SH3RF3: variants seen among roughly 807,000 people sequenced by gnomAD.
The protein encoded by SH3RF3 is SH3 domain containing ring finger 3, also known as E3 ubiquitin-protein ligase SH3RF3.
Under a neutral mutation model 66.3 loss-of-function variants are expected in SH3RF3, and 29 were observed. That is an observed-to-expected ratio of 0.44 (90% CI 0.33 to 0.60). The LOEUF is 0.60. SH3RF3 is among the 20% of genes least tolerant of loss of function. The probability of loss-of-function intolerance (pLI) is 0.04; values close to 1 mark genes in which losing one functional copy is unlikely to be tolerated. For missense variants in SH3RF3, 1,194 were observed against 1,190.9 expected (o/e 1.00, Z -0.04); for synonymous variants, 583 against 532.0 (o/e 1.10, Z -1.32).
At chr2:109,300,857 C>G (rs115212252) in intron 1 of SH3RF3, among the ~76,000 whole-genome samples, 1 of 152,278 alleles carries the variant, frequency 6.6e-6, no homozygotes, top group African/African-American at 2.4e-5. Context: ...TAAATCAGAA[C>G]GACTTAAAAA....
At chr2:109,224,049 A>T (rs1405422792) in intron 1 of SH3RF3, among the ~76,000 whole-genome samples, 1 of 152,176 alleles carries the variant, frequency 6.6e-6, no homozygotes, top group Admixed American at 6.5e-5. Context: ...TCATTAATGG[A>T]TAGAATGTTA....
At chr2:109,395,471 T>C (rs904208530) in intron 3 of SH3RF3, among the ~76,000 whole-genome samples, 1 of 152,158 alleles carries the variant, frequency 6.6e-6, no homozygotes, top group Non-Finnish European at 1.5e-5. Flanking sequence ...GCTGAAGCTT[T>C]GGATGAGGCA....
intron 7 of SH3RF3, among the ~76,000 whole-genome samples, chr2:109,440,942 G>A (rs557458508): frequency 1.2e-4 from 18 of 152,152 alleles, no homozygotes; most frequent in Non-Finnish European, 1.9e-4. Flanking sequence ...GTTCCCACCA[G>A]CCAGACGGAA....
chr2:109,197,103 G>A (rs904857070), intron 1 of SH3RF3, among the ~76,000 whole-genome samples: 32 of 152,328 alleles, frequency 2.1e-4, no homozygotes, highest in African/African-American at 7.7e-4. Context: ...AGGCAACACA[G>A]CTAGTAGAGG....
chr2:109,159,223 C>G lies in SH3RF3; in HGVS notation c.573+29110C>G, dbSNP rs186017723. On this transcript the variant is annotated intron_variant, in intron 1 of 9. Transcript: ENST00000309415. ...TGGTGCCAGGCTCTGCTTTGAGCTT[C>G]CCCTCCCTGTGCTCTGCTGCTGGCC... Among the ~76,000 whole-genome samples the G allele has an allele frequency of 2.6e-5, 4 of 152,352 alleles. No homozygotes were observed. The East Asian group carries it at 7.7e-4, about 29-fold the overall frequency.
chr2:109,496,008 C>G (rs754187779), intron 9 of SH3RF3, among the ~76,000 whole-genome samples: 1 of 152,194 alleles, frequency 6.6e-6, no homozygotes, highest in Non-Finnish European at 1.5e-5. Context: ...CAGACCTTCG[C>G]GGTGAAGAGC....
At chr2:109,289,556 C>T (rs1367872949) in intron 1 of SH3RF3, among the ~76,000 whole-genome samples, 18 of 152,064 alleles carry the variant, frequency 1.2e-4, no homozygotes, top group Admixed American at 1.2e-3. Flanking sequence ...ATTATGGGGA[C>T]CATGGTGTAG....
At chr2:109,265,270 A>G (rs1680461961) in intron 1 of SH3RF3, among the ~76,000 whole-genome samples, 1 of 152,190 alleles carries the variant, frequency 6.6e-6, no homozygotes, top group East Asian at 1.9e-4. Context: ...GGGAGCTCTG[A>G]GGGCAGCTCG....
intron 7 of SH3RF3, among the ~76,000 whole-genome samples, chr2:109,444,187 A>G (rs1677646027): frequency 6.6e-6 from 1 of 152,284 alleles, no homozygotes; most frequent in Non-Finnish European, 1.5e-5. Context: ...GGATATTATA[A>G]CGCATTTTGA....
chr2:109,349,789 G>A (rs10188547), intron 2 of SH3RF3, among the ~76,000 whole-genome samples: 1,721 of 152,348 alleles, frequency 0.011, 33 homozygotes, highest in African/African-American at 0.039. Context: ...AGAAGTGACT[G>A]CCTGCCTTTC....
At chr2:109,436,747 C>T (rs1043574631) in intron 6 of SH3RF3, 146 bp from the exon 7 acceptor site, 92 of 1,267,450 alleles carry the variant, frequency 7.3e-5, no homozygotes, top group South Asian at 5.3e-4. Flanking sequence ...TGCCCAGTGA[C>T]GGGCATTGTT....
intron 1 of SH3RF3, among the ~76,000 whole-genome samples, chr2:109,223,477 C>T (rs1679303181): frequency 6.6e-6 from 1 of 152,198 alleles, no homozygotes; most frequent in Non-Finnish European, 1.5e-5. Flanking sequence ...GTGGGCATGG[C>T]CTGCCCATGT....
chr2:109,342,464 G>A lies in SH3RF3; in HGVS notation c.574-5210G>A, dbSNP rs537385126. On this transcript the variant is annotated intron_variant, in intron 1 of 9. Transcript: ENST00000309415. ...TCTGTCCTGATGGGCTAATTGTGAA[G>A]GGGGCCCTCCATTGAAAGCAGGTGG... 5.9e-5 allele frequency among the ~76,000 whole-genome samples: 9 copies of A among 152,334 alleles called. 1 individual carries two copies.
At position 109,328,764 on chromosome 2, in the gene SH3RF3, T is replaced by C. The variant is rs895097044; in HGVS notation, c.574-18910T>C. Among the ~76,000 whole-genome samples, 5 of 152,230 alleles carry C rather than the reference T, an allele frequency of 3.3e-5. No individual in the cohort carries two copies. The East Asian group carries it at 7.7e-4, about 23-fold the overall frequency. ...TTCCTCTCCCCCACATTTGTGTGTG[T>C]GAACCACAGTGGTTCATGACCACTT... On this transcript the variant is annotated intron_variant, in intron 1 of 9. Transcript: ENST00000309415.
At chr2:109,432,392 G>T in intron 5 of SH3RF3, 109 bp from the exon 6 acceptor site, 2 of 1,391,458 alleles carry the variant, frequency 1.4e-6, no homozygotes, top group Non-Finnish European at 2.0e-6. Context: ...ACTCTAGTGG[G>T]TCTTTTTAGG....
At chr2:109,424,109 C>A (rs1298098363) in intron 5 of SH3RF3, among the ~76,000 whole-genome samples, 2 of 152,174 alleles carry the variant, frequency 1.3e-5, no homozygotes, top group Non-Finnish European at 2.9e-5. Context: ...TGGAGGCAGG[C>A]CCTGAGATGG....
At chr2:109,199,607 T>TCAACC in intron 1 of SH3RF3, among the ~76,000 whole-genome samples, 16 of 266 alleles carry the variant, frequency 0.06, no homozygotes, top group Non-Finnish European at 0.072. Flanking sequence ...TGGAATGGAA[T>TCAACC]GGAATGGAAT....
chr2:109,445,090 A>T (rs1176447412), intron 7 of SH3RF3, among the ~76,000 whole-genome samples: 1 of 152,242 alleles, frequency 6.6e-6, no homozygotes, highest in East Asian at 1.9e-4. Flanking sequence ...GACACAGTTG[A>T]AAGTGGAATT....
chr2:109,155,150 C>G (rs913443469), intron 1 of SH3RF3, among the ~76,000 whole-genome samples: 2 of 152,150 alleles, frequency 1.3e-5, no homozygotes, highest in East Asian at 3.8e-4. Context: ...TGCTGATGTT[C>G]GGTGGTGTTC....
Sources: allele counts gnomAD v4.1 joint callset (sites outside exome capture counted in the v4.1 genomes callset), GRCh38; gene constraint gnomAD v4.1.1; transcripts MANE v1.5; gene names NCBI Gene and HGNC (gene_info 2026-07-23, HGNC 2026-07-21).